The following PRR5 variants were observed in gnomAD, a reference collection of about 807,000 sequenced individuals.
PRR5 encodes proline rich 5.
Under a neutral mutation model 30.6 loss-of-function variants are expected in PRR5, and 25 were observed. The observed-to-expected ratio is 0.82, with a 90% CI of 0.60 to 1.14. PRR5 has a LOEUF of 1.14. Ranked by LOEUF, PRR5 falls within the 50% of genes most tolerant of loss-of-function variation. PRR5 has a pLI of 0.00. For missense variants in PRR5, 600 were observed against 547.1 expected, an observed-to-expected ratio of 1.10 and a Z score of -0.96; for synonymous variants, 286 against 247.1, an observed-to-expected ratio of 1.16 and a Z score of -1.48.
chr22:44,731,890 GA>G, intron 5 of PRR5, 69 bp downstream of exon 5: 1 of 1,494,568 alleles, frequency 6.7e-7, no homozygotes, highest in Non-Finnish European at 9.1e-7. Context: ...TCACTCTACA[GA>G]GGGGGGCCGC....
intron 7 of PRR5, 43 bp from the exon 8 acceptor site, chr22:44,736,729 C>T (rs779381637): frequency 6.6e-7 from 1 of 1,514,544 alleles, no homozygotes; most frequent in South Asian, 1.3e-5. Context: ...CGGGCGGGGA[C>T]CCAGGTGGCC....
At chr22:44,703,161 C>G (rs1569081399) in intron 1 of PRR5, among the ~76,000 whole-genome samples, 1 of 152,172 alleles carries the variant, frequency 6.6e-6, no homozygotes. Context: ...CATTCCCAGA[C>G]AAGCAGGGGC....
In PRR5 at chr22:44,731,727, C is replaced by T. The variant is rs1166396797; in HGVS notation, c.323-3C>T. 1.2e-6 allele frequency: 2 copies of T among 1,613,694 alleles called. No homozygotes were observed. Among genetic ancestry groups the T allele is most frequent in the East Asian group, 2.2e-5 (1 of 44,888 alleles). ...CCAGTGGTGATGGCCCCCATGCCCA[C>T]AGGACAGAAGCTGCTGGACTCACTG... On this transcript the variant is annotated splice_region_variant and splice_polypyrimidine_tract_variant and intron_variant, in intron 4 of 7. Coordinates refer to ENST00000336985, the MANE Select transcript of PRR5 (RefSeq NM_181333.4).
intron 1 of PRR5, among the ~76,000 whole-genome samples, chr22:44,696,720 C>CATATTTAT (rs1925776925): frequency 1.2e-5 from 1 of 84,544 alleles, no homozygotes; most frequent in East Asian, 4.5e-4. Flanking sequence ...CATGAACTTA[C>CATATTTAT]GTATTTATTT....
At chr22:44,732,540 C>A in intron 6 of PRR5, 149 bp downstream of exon 6, 1 of 1,279,300 alleles carries the variant, frequency 7.8e-7, no homozygotes, top group Non-Finnish European at 1.1e-6. Context: ...GGGCCAGGGA[C>A]CGGGGAGCAG....
At position 44,737,197 on chromosome 22, in the gene PRR5, T is replaced by A. The variant is rs895404032; in HGVS notation, c.1117T>A (p.Ser373Thr). 6.2e-7 allele frequency: 1 copy of A among 1,611,122 alleles called. No homozygotes were observed. Among genetic ancestry groups the A allele is most frequent in the Admixed American group, 1.7e-5 (1 of 60,002 alleles). The change falls in exon 8 of 8, where the codon TCT (serine) becomes ACT (threonine). Residue 373 changes from serine to threonine, a missense_variant. Transcript: ENST00000336985. The part of the protein sequence containing the change: ...IFIDFGRGRG[S>T]GMSDLEGSGG... The stretch of plus-strand genomic sequence containing the variant: ...CATTGACTTTGGCCGGGGCCGGGGC[T>A]CTGGCATGTCCGACTTGGAGGGCTC...
chr22:44,711,063 G>C (rs1199397598), intron 1 of PRR5, among the ~76,000 whole-genome samples: 2 of 152,154 alleles, frequency 1.3e-5, no homozygotes, highest in African/African-American at 2.4e-5. Flanking sequence ...GGCAGGGGTG[G>C]GGAGTGTGGG....
chr22:44,673,461 C>T (rs1041192814), upstream of PRR5, among the ~76,000 whole-genome samples: 3 of 152,176 alleles, frequency 2.0e-5, no homozygotes, highest in African/African-American at 7.2e-5. Context: ...AGGGCCTCTG[C>T]GTTCACTGTT....
upstream of PRR5, among the ~76,000 whole-genome samples, chr22:44,699,015 C>T (rs534448311): frequency 5.3e-5 from 8 of 152,204 alleles, no homozygotes; most frequent in South Asian, 2.1e-4. Context: ...GCCCTCCTGG[C>T]GCTGGGCTGT....
At chr22:44,731,883 C>T (rs1298585656) in intron 5 of PRR5, 62 bp downstream of exon 5, 14 of 1,541,574 alleles carry the variant, frequency 9.1e-6, no homozygotes, top group East Asian at 2.3e-5. Context: ...CCTGGCCTCA[C>T]TCTACAGAGG....
chr22:44,694,804 C>T (rs531141789), intron 1 of PRR5, among the ~76,000 whole-genome samples: 75 of 152,266 alleles, frequency 4.9e-4, no homozygotes, highest in South Asian at 4.1e-4. Context: ...CCAGGAGGAA[C>T]GTGGTCTTAT....
At chr22:44,730,337 G>T in intron 4 of PRR5, 3 of 985,114 alleles carry the variant, frequency 3.0e-6, no homozygotes, top group Non-Finnish European at 3.6e-6. Flanking sequence ...CCAGTTGTTC[G>T]TCTGGCTTCC....
At chr22:44,717,189 C>CTT (rs57193514) in intron 2 of PRR5, among the ~76,000 whole-genome samples, 6,287 of 116,684 alleles carry the variant, frequency 0.054, 489 homozygotes, top group African/African-American at 0.12. Flanking sequence ...CCCCCTTACC[C>CTT]TTTTTTTTTT....
rs148155279 is a variant in PRR5 at position 44,712,135 on chromosome 22, C to T, written c.135-2456C>T. Among the ~76,000 whole-genome samples the T allele has an allele frequency of 4.5e-3, 687 of 152,272 alleles. 12 individuals are homozygous for T. Among genetic ancestry groups the T allele is most frequent in the Admixed American group, 0.031 (479 of 15,304 alleles). On this transcript the variant is annotated intron_variant, in intron 1 of 7. Coordinates refer to ENST00000336985, the MANE Select transcript of PRR5 (RefSeq NM_181333.4). Reference sequence around the variant, plus strand: ...TGGGCTGGCTCATCCTTCAAACTCTCTAGGGGTGGCGCTCTCACGATTCCT... The same window carrying T: ...TGGGCTGGCTCATCCTTCAAACTCTTTAGGGGTGGCGCTCTCACGATTCCT...
intron 4 of PRR5, chr22:44,729,607 A>T: frequency 1.0e-6 from 1 of 985,420 alleles, no homozygotes; most frequent in South Asian, 4.7e-5. Flanking sequence ...GTCCGCCTGG[A>T]GGAACTTCCT....
chr22:44,709,020 T>C (rs1276103643), intron 1 of PRR5, among the ~76,000 whole-genome samples: 1 of 145,940 alleles, frequency 6.9e-6, no homozygotes, highest in Non-Finnish European at 1.5e-5. Context: ...CCCAGGTTCA[T>C]GCAGTGATTT....
intron 1 of PRR5, among the ~76,000 whole-genome samples, chr22:44,710,299 G>A (rs1927985067): frequency 2.0e-5 from 3 of 151,618 alleles, no homozygotes; most frequent in Admixed American, 6.6e-5. Context: ...CCCCCCCAGC[G>A]CTCAGGAGGG....
At chr22:44,678,742 T>C (rs950929564) in intron 1 of PRR5, among the ~76,000 whole-genome samples, 1 of 152,244 alleles carries the variant, frequency 6.6e-6, no homozygotes, top group African/African-American at 2.4e-5. Flanking sequence ...GCTCTGCTCA[T>C]GCCTTTGGGC....
upstream of PRR5, chr22:44,676,853 G>C (rs768829703): frequency 6.6e-6 from 1 of 152,312 alleles, no homozygotes; most frequent in Non-Finnish European, 1.5e-5. Flanking sequence ...GCGCCTTCCT[G>C]GGGACTGCTC....
Sources: gnomAD v4.1 joint callset for allele counts (sites outside exome capture counted in the v4.1 genomes callset) on GRCh38, gnomAD v4.1.1 for gene constraint, MANE v1.5 for transcripts, NCBI Gene and HGNC (gene_info 2026-07-23, HGNC 2026-07-21) for gene names.